The following HAPLN1 variants were observed in gnomAD, a reference collection of about 807,000 sequenced individuals.
The protein encoded by HAPLN1 is Cartilage link protein.
HAPLN1 carries 13 observed loss-of-function variants against 36.5 expected under a neutral mutation model. The observed-to-expected ratio is 0.36, with a 90% CI of 0.23 to 0.57. The LOEUF is 0.57. HAPLN1 is among the 20% of genes least tolerant of loss of function. The pLI is 0.83. For missense variants in HAPLN1, 407 were observed against 439.7 expected (o/e 0.93, Z 0.66); for synonymous variants, 202 against 169.8 (o/e 1.19, Z -1.48).
At chr5:83,666,169 T>C (rs1231453623) in intron 2 of HAPLN1, among the ~76,000 whole-genome samples, 1 of 152,194 alleles carries the variant, frequency 6.6e-6, no homozygotes, top group African/African-American at 2.4e-5. Flanking sequence ...CAAAAGACTC[T>C]TCCAAAATGG....
intron 1 of HAPLN1, among the ~76,000 whole-genome samples, chr5:83,694,277 C>T (rs1751343524): frequency 6.6e-6 from 1 of 151,962 alleles, no homozygotes; most frequent in Non-Finnish European, 1.5e-5. Context: ...ATCAAAATCT[C>T]TGGGATGCAG....
At chr5:83,688,818 T>C (rs757233802) in intron 1 of HAPLN1, among the ~76,000 whole-genome samples, 2 of 152,048 alleles carry the variant, frequency 1.3e-5, no homozygotes, top group Non-Finnish European at 2.9e-5. Flanking sequence ...CCCTCTGCTA[T>C]GTACAGTGAG....
chr5:83,688,742 G>C (rs1751201230), intron 1 of HAPLN1, among the ~76,000 whole-genome samples: 1 of 135,742 alleles, frequency 7.4e-6, no homozygotes, highest in Non-Finnish European at 1.5e-5. Flanking sequence ...GAAGAGAGAA[G>C]AGACAATAAC....
At chr5:83,717,765 G>C (rs73135924) in intron 1 of HAPLN1, among the ~76,000 whole-genome samples, 4,870 of 152,188 alleles carry the variant, frequency 0.032, 289 homozygotes, top group African/African-American at 0.11. Flanking sequence ...TGGAAGCCAG[G>C]TTCCTGCTTC....
chr5:83,707,787 G>A (rs1751686032), intron 1 of HAPLN1, among the ~76,000 whole-genome samples: 1 of 152,118 alleles, frequency 6.6e-6, no homozygotes, highest in African/African-American at 2.4e-5. Flanking sequence ...TGTGAACAGA[G>A]TAAACAACCT....
chr5:83,673,613 A>G (rs1750787561), intron 1 of HAPLN1, 64 bp from the exon 2 acceptor site: 3 of 845,176 alleles, frequency 3.5e-6, no homozygotes, highest in African/African-American at 1.7e-5. Context: ...GTTGCACTGC[A>G]CAACTTATTA....
chr5:83,714,638 T>C (rs1359905626), intron 1 of HAPLN1, among the ~76,000 whole-genome samples: 1 of 152,204 alleles, frequency 6.6e-6, no homozygotes, highest in Non-Finnish European at 1.5e-5. Flanking sequence ...ATTTTCAACA[T>C]GATGGCTGAT....
chr5:83,683,386 G>A (rs1338438004), intron 1 of HAPLN1, among the ~76,000 whole-genome samples: 2 of 152,068 alleles, frequency 1.3e-5, no homozygotes, highest in Non-Finnish European at 1.5e-5. Flanking sequence ...TCCTGGGTGA[G>A]TACTAACAAA....
chr5:83,675,380 CA>C (rs1230767757), intron 1 of HAPLN1: 2 of 151,992 alleles, frequency 1.3e-5, no homozygotes, highest in Admixed American at 6.6e-5. Context: ...ATTTAACAAT[CA>C]AACACAGGAG....
At chr5:83,708,521 TGAACTATAAGAAGG>T (rs1199741796) in intron 1 of HAPLN1, among the ~76,000 whole-genome samples, 1 of 152,138 alleles carries the variant, frequency 6.6e-6, no homozygotes, top group Admixed American at 6.5e-5. Context: ...TGAGAACTCA[TGAACTATAAGAAGG>T]GAACAATAGA....
chr5:83,716,266 T>G (rs920062030), intron 1 of HAPLN1, among the ~76,000 whole-genome samples: 2 of 152,224 alleles, frequency 1.3e-5, no homozygotes, highest in Non-Finnish European at 2.9e-5. Context: ...TAGTAACCAG[T>G]AGAGTAAATT....
intron 1 of HAPLN1, among the ~76,000 whole-genome samples, chr5:83,703,083 G>A (rs1322653236): frequency 6.6e-6 from 1 of 152,112 alleles, no homozygotes; most frequent in East Asian, 1.9e-4. Context: ...TTGGGGCATT[G>A]CAGTGCTTCC....
intron 1 of HAPLN1, among the ~76,000 whole-genome samples, chr5:83,718,932 A>G (rs551747795): frequency 9.9e-5 from 15 of 152,228 alleles, no homozygotes; most frequent in Non-Finnish European, 2.2e-4. Flanking sequence ...GATTCAAAGG[A>G]CTTCTTCAAC....
intron 1 of HAPLN1, among the ~76,000 whole-genome samples, chr5:83,711,974 A>G (rs1751793855): frequency 6.6e-6 from 1 of 152,228 alleles, no homozygotes; most frequent in Non-Finnish European, 1.5e-5. Flanking sequence ...AATAAATTAT[A>G]ATTTAGTGAT....
intron 2 of HAPLN1, among the ~76,000 whole-genome samples, chr5:83,664,403 G>A (rs1750499000): frequency 6.6e-6 from 1 of 151,252 alleles, no homozygotes; most frequent in South Asian, 2.1e-4. Flanking sequence ...TTTTTTTTGA[G>A]CCCTAGTCTC....
At chr5:83,670,971 G>A (rs555705094) in intron 2 of HAPLN1, among the ~76,000 whole-genome samples, 125 of 152,130 alleles carry the variant, frequency 8.2e-4, no homozygotes, top group African/African-American at 2.9e-3. Context: ...GGGATTACAG[G>A]TATGAGCCAC....
chr5:83,702,138 A>G (rs1464767700), intron 1 of HAPLN1, among the ~76,000 whole-genome samples: 4 of 152,134 alleles, frequency 2.6e-5, no homozygotes, highest in African/African-American at 9.7e-5. Context: ...CCTGCTTGAG[A>G]GAAGTGTGTA....
chr5:83,690,445 G>A lies in HAPLN1; in HGVS notation c.-26-16896C>T, dbSNP rs567254143. Reference sequence around the variant, plus strand: ...GGCACAGAATTAGCTGTTTGGTCACGGGAGAAACATCTGTAAATGGGAACT... The same window carrying A: ...GGCACAGAATTAGCTGTTTGGTCACAGGAGAAACATCTGTAAATGGGAACT... On this transcript the variant is annotated intron_variant, in intron 1 of 4. Coordinates refer to ENST00000274341, the MANE Select transcript of HAPLN1 (RefSeq NM_001884.4). Among the ~76,000 whole-genome samples the A allele has an allele frequency of 5.4e-4, 82 of 152,092 alleles. 1 individual carries two copies. Among genetic ancestry groups the A allele is most frequent in the African/African-American group, 1.8e-3 (76 of 41,538 alleles).
chr5:83,680,562 T>G (rs1387480395), intron 1 of HAPLN1, among the ~76,000 whole-genome samples: 1 of 152,214 alleles, frequency 6.6e-6, no homozygotes, highest in Non-Finnish European at 1.5e-5. Flanking sequence ...ATTAATAGTC[T>G]GTTTCCGGAC....
Sources: gnomAD v4.1 joint callset for allele counts (sites outside exome capture counted in the v4.1 genomes callset) on GRCh38, gnomAD v4.1.1 for gene constraint, MANE v1.5 for transcripts, NCBI Gene and HGNC (gene_info 2026-07-23, HGNC 2026-07-21) for gene names.